IQCJ: variants seen among roughly 807,000 people sequenced by gnomAD.
IQCJ encodes the protein IQ motif containing J.
In IQCJ, 9 loss-of-function variants were observed where a neutral mutation model predicts 11.0. That is an observed-to-expected ratio of 0.82 (90% confidence interval 0.49 to 1.43). IQCJ has a LOEUF of 1.43. IQCJ is among the 40% of genes most tolerant of loss of function. IQCJ has a pLI of 0.00. For missense variants in IQCJ, 146 were observed against 133.2 expected (o/e 1.10, Z -0.47); for synonymous variants, 55 against 51.3 (o/e 1.07, Z -0.31).
intron 3 of IQCJ, among the ~76,000 whole-genome samples, chr3:159,256,743 T>G (rs1329692002): frequency 6.6e-6 from 1 of 152,252 alleles, no homozygotes; most frequent in Non-Finnish European, 1.5e-5. Flanking sequence ...TCAAACATAT[T>G]TTTATGTCCA....
intron 1 of IQCJ, among the ~76,000 whole-genome samples, chr3:159,234,129 A>T (rs779518499): frequency 2.0e-5 from 3 of 152,140 alleles, no homozygotes; most frequent in Non-Finnish European, 4.4e-5. Context: ...TTGGCACCTC[A>T]TTTCTGCTAT....
intron 1 of IQCJ, among the ~76,000 whole-genome samples, chr3:159,211,942 C>T (rs1000994683): frequency 1.2e-4 from 18 of 151,774 alleles, no homozygotes; most frequent in African/African-American, 3.9e-4. Flanking sequence ...ATGTGGTGGA[C>T]GGTGTGGGTG....
At chr3:159,208,654 T>G (rs953145403) in intron 1 of IQCJ, among the ~76,000 whole-genome samples, 4 of 152,214 alleles carry the variant, frequency 2.6e-5, no homozygotes, top group Non-Finnish European at 5.9e-5. Context: ...GGTCTTTGGA[T>G]TAACCCAATA....
chr3:159,235,792 T>A (rs1726546051), intron 1 of IQCJ, among the ~76,000 whole-genome samples: 1 of 152,232 alleles, frequency 6.6e-6, no homozygotes, highest in Admixed American at 6.5e-5. Flanking sequence ...GTCCTAATAA[T>A]GTTTATGAAC....
chr3:159,088,710 A>C (rs1716992728), intron 1 of IQCJ, among the ~76,000 whole-genome samples: 1 of 152,058 alleles, frequency 6.6e-6, no homozygotes, highest in African/African-American at 2.4e-5. Flanking sequence ...TGTTGGTTTC[A>C]AGTCTGTTTT....
chr3:159,113,764 C>G (rs1391329419), intron 1 of IQCJ, among the ~76,000 whole-genome samples: 1 of 152,164 alleles, frequency 6.6e-6, no homozygotes. Context: ...TTAACTACTG[C>G]TTACTCCATG....
At chr3:159,078,222 G>A (rs76276223) in intron 1 of IQCJ, among the ~76,000 whole-genome samples, 2 of 123,418 alleles carry the variant, frequency 1.6e-5, no homozygotes, top group Admixed American at 8.2e-5. Flanking sequence ...TTACACAGGG[G>A]ACTTTTTTAC....
chr3:159,150,634 T>C (rs948488905), intron 1 of IQCJ, among the ~76,000 whole-genome samples: 3 of 151,132 alleles, frequency 2.0e-5, no homozygotes, highest in African/African-American at 7.4e-5. Flanking sequence ...GGGGCTGTGC[T>C]TCTGTAGGTT....
At chr3:159,094,547 C>T (rs567184728) in intron 1 of IQCJ, among the ~76,000 whole-genome samples, 2 of 150,352 alleles carry the variant, frequency 1.3e-5, no homozygotes, top group African/African-American at 2.5e-5. Context: ...TCAGACCCTA[C>T]CTTACACGAT....
intron 1 of IQCJ, among the ~76,000 whole-genome samples, chr3:159,107,970 C>A (rs909427283): frequency 1.7e-5 from 2 of 119,982 alleles, no homozygotes; most frequent in Non-Finnish European, 3.2e-5. Flanking sequence ...CCTAGCTGTG[C>A]GAATTGAGAT....
downstream of IQCJ, among the ~76,000 whole-genome samples, chr3:159,264,697 A>G (rs1013632707): frequency 1.1e-4 from 17 of 152,158 alleles, no homozygotes; most frequent in African/African-American, 4.1e-4. Context: ...AGATCGCTTG[A>G]GGTCAGGAGT....
intron 1 of IQCJ, among the ~76,000 whole-genome samples, chr3:159,131,625 A>G (rs917202024): frequency 6.6e-6 from 1 of 151,992 alleles, no homozygotes; most frequent in African/African-American, 2.4e-5. Context: ...ACAGCTGTCT[A>G]CTGTTGTAAG....
chr3:159,194,481 T>A (rs932265390), intron 1 of IQCJ, among the ~76,000 whole-genome samples: 1 of 152,224 alleles, frequency 6.6e-6, no homozygotes, highest in East Asian at 1.9e-4. Context: ...TGTTGTTCTA[T>A]AACAATATCT....
chr3:159,177,358 AACTG>A (rs1347897334), intron 1 of IQCJ, among the ~76,000 whole-genome samples: 5 of 152,188 alleles, frequency 3.3e-5, no homozygotes, highest in Non-Finnish European at 7.4e-5. Context: ...AACAAACAAT[AACTG>A]ACAACGCCAT....
intron 1 of IQCJ, among the ~76,000 whole-genome samples, chr3:159,153,351 A>G (rs567684402): frequency 6.6e-6 from 1 of 152,248 alleles, no homozygotes; most frequent in East Asian, 1.9e-4. Flanking sequence ...CCTCTATACA[A>G]TATTCTAATG....
intron 1 of IQCJ, among the ~76,000 whole-genome samples, chr3:159,083,576 C>T (rs1434260205): frequency 6.6e-6 from 1 of 152,070 alleles, no homozygotes; most frequent in East Asian, 1.9e-4. Context: ...CTAAAATGTG[C>T]TTACCATGCA....
At chr3:159,216,010 G>A (rs112151653) in intron 1 of IQCJ, among the ~76,000 whole-genome samples, 7 of 148,828 alleles carry the variant, frequency 4.7e-5, no homozygotes, top group African/African-American at 1.7e-4. Context: ...ATGCATAAAT[G>A]TCTCTCTAAC....
intron 1 of IQCJ, among the ~76,000 whole-genome samples, chr3:159,211,922 A>G (rs1409682213): frequency 6.6e-6 from 1 of 152,032 alleles, no homozygotes; most frequent in Non-Finnish European, 1.5e-5. Context: ...TGGAGAAGGC[A>G]GAGAAATGTA....
intron 1 of IQCJ, among the ~76,000 whole-genome samples, chr3:159,112,337 A>C (rs1404916640): frequency 6.6e-6 from 1 of 151,920 alleles, no homozygotes; most frequent in Non-Finnish European, 1.5e-5. Context: ...TTTTTTTTTC[A>C]ACTTCTTAGA....
Sources: gnomAD v4.1 joint callset for allele counts (sites outside exome capture counted in the v4.1 genomes callset) on GRCh38, gnomAD v4.1.1 for gene constraint, MANE v1.5 for transcripts, NCBI Gene and HGNC (gene_info 2026-07-23, HGNC 2026-07-21) for gene names.